The following PIK3C3 variants were observed in gnomAD, a reference collection of about 807,000 sequenced individuals.
PIK3C3 encodes phosphatidylinositol 3-kinase catalytic subunit type 3.
PIK3C3 carries 95 observed loss-of-function variants against 126.1 expected under a neutral mutation model. That is an observed-to-expected ratio of 0.75 (90% CI 0.64 to 0.89). The LOEUF is 0.89. Among genes scored for constraint, PIK3C3 ranks in the 40% least tolerant of loss-of-function variants. PIK3C3 has a pLI of 0.00. For synonymous variants in PIK3C3, 374 were observed against 360.0 expected, an observed-to-expected ratio of 1.04 and a Z score of -0.44; for missense variants, 829 against 1,063.2, an observed-to-expected ratio of 0.78 and a Z score of 3.06.
chr18:42,018,514 T>C (rs1295409494), intron 12 of PIK3C3, among the ~76,000 whole-genome samples: 1 of 152,094 alleles, frequency 6.6e-6, no homozygotes, highest in African/African-American at 2.4e-5. Context: ...TGAGGAGTTT[T>C]TTAAATTGGA....
At chr18:41,998,563 C>A (rs558179782) in intron 9 of PIK3C3, among the ~76,000 whole-genome samples, 7 of 152,198 alleles carry the variant, frequency 4.6e-5, no homozygotes, top group African/African-American at 1.7e-4. Context: ...TCAATTACTT[C>A]TAGATATGTG....
chr18:42,028,213 C>A (rs945716508), intron 14 of PIK3C3, among the ~76,000 whole-genome samples: 4 of 151,778 alleles, frequency 2.6e-5, no homozygotes, highest in Non-Finnish European at 5.9e-5. Flanking sequence ...ATGAAATAAA[C>A]CTGTGCATGG....
intron 1 of PIK3C3, among the ~76,000 whole-genome samples, chr18:41,955,795 A>C (rs1051824148): frequency 6.6e-6 from 1 of 152,300 alleles, no homozygotes; most frequent in Admixed American, 6.5e-5. Flanking sequence ...ATAGTTGAGA[A>C]TAAGATGAGC....
chr18:42,007,200 G>A (rs917396125), intron 10 of PIK3C3, among the ~76,000 whole-genome samples: 3 of 152,074 alleles, frequency 2.0e-5, no homozygotes, highest in African/African-American at 4.8e-5. Context: ...AACTGCTTGC[G>A]TTATAATTAT....
At chr18:42,039,276 A>G (rs566603870) in intron 18 of PIK3C3, among the ~76,000 whole-genome samples, 1 of 152,208 alleles carries the variant, frequency 6.6e-6, no homozygotes, top group Non-Finnish European at 1.5e-5. Context: ...GTTACTGAGA[A>G]ACAAAATACA....
intron 15 of PIK3C3, among the ~76,000 whole-genome samples, chr18:42,030,138 A>T (rs939007072): frequency 1.3e-5 from 2 of 152,170 alleles, no homozygotes; most frequent in Non-Finnish European, 2.9e-5. Flanking sequence ...AATATATTTG[A>T]TATGGAAAGA....
chr18:41,992,077 A>AAT (rs1292565213), intron 6 of PIK3C3, among the ~76,000 whole-genome samples: 1 of 152,180 alleles, frequency 6.6e-6, no homozygotes, highest in Non-Finnish European at 1.5e-5. Context: ...ATAATAACAG[A>AAT]ATAGAAATTA....
intron 12 of PIK3C3, among the ~76,000 whole-genome samples, 156 bp from the exon 13 acceptor site, chr18:42,020,482 G>C (rs1270136204): frequency 1.3e-5 from 2 of 152,064 alleles, no homozygotes; most frequent in African/African-American, 2.4e-5. Context: ...TTTAAAATAT[G>C]TTTTATGTAT....
chr18:42,004,190 C>G (rs766971011), intron 9 of PIK3C3, among the ~76,000 whole-genome samples, 166 bp from the exon 10 acceptor site: 14 of 152,154 alleles, frequency 9.2e-5, no homozygotes, highest in Admixed American at 5.9e-4. Flanking sequence ...TTCTGTCCTG[C>G]AGTGCTTCTA....
chr18:42,080,654 T>A, intron 24 of PIK3C3, among the ~76,000 whole-genome samples: 1 of 152,216 alleles, frequency 6.6e-6, no homozygotes, highest in East Asian at 1.9e-4. Flanking sequence ...TCACTAGGCC[T>A]CTCGACTTCT....
intron 4 of PIK3C3, among the ~76,000 whole-genome samples, chr18:41,975,705 T>G (rs1227294251): frequency 1.3e-5 from 2 of 151,878 alleles, no homozygotes; most frequent in Middle Eastern, 3.4e-3. Context: ...ACTGTTTTTT[T>G]TTTTTTTTTT....
intron 20 of PIK3C3, chr18:42,049,294 T>A: frequency 2.8e-6 from 1 of 361,752 alleles, no homozygotes; most frequent in South Asian, 5.6e-5. Flanking sequence ...CTAACTTAAG[T>A]TTTGATGCAA....
At chr18:42,012,066 T>G (rs1982850421) in intron 10 of PIK3C3, among the ~76,000 whole-genome samples, 1 of 152,046 alleles carries the variant, frequency 6.6e-6, no homozygotes, top group East Asian at 1.9e-4. Context: ...TGAAAAAGTT[T>G]GAAATATTAT....
At position 41,996,613 on chromosome 18, in the gene PIK3C3, A is replaced by C; in HGVS notation, c.892-25A>C. The C allele has an allele frequency of 5.0e-6, 6 of 1,192,906 alleles. 1 individual carries two copies. The highest frequency in any genetic ancestry group is 7.2e-6 in the Non-Finnish European group (6 of 830,936). The allele number at this position is 1,192,906 out of a possible 1,614,324, so 73.9% of individuals were successfully genotyped here. A position where few individuals can be genotyped will look rare whatever the true frequency, so the allele number is the denominator to read the frequency against. Reference sequence around the variant, plus strand: ...TAGGACATGTATTGTTGACAAAATTAGTTCTTTTTCTTTTTTTGTTTTAGA... The same window carrying C: ...TAGGACATGTATTGTTGACAAAATTCGTTCTTTTTCTTTTTTTGTTTTAGA... On this transcript the variant is annotated intron_variant, in intron 8 of 24. Coordinates refer to ENST00000262039, the MANE Select transcript of PIK3C3 (RefSeq NM_002647.4).
At chr18:41,984,761 A>G (rs897762781) in intron 4 of PIK3C3, 1 of 152,214 alleles carries the variant, frequency 6.6e-6, no homozygotes, top group Non-Finnish European at 1.5e-5. Context: ...GGACTCTCTG[A>G]TAAGTAAGCG....
At chr18:42,071,594 C>T (rs1456465690) in intron 24 of PIK3C3, among the ~76,000 whole-genome samples, 1 of 151,930 alleles carries the variant, frequency 6.6e-6, no homozygotes, top group Non-Finnish European at 1.5e-5. Context: ...GTGGCGGGCA[C>T]CTGTAATCCC....
intron 3 of PIK3C3, 55 bp downstream of exon 3, chr18:41,962,687 C>A: frequency 1.3e-6 from 2 of 1,537,890 alleles, no homozygotes; most frequent in Non-Finnish European, 1.8e-6. Context: ...TGACCCTTTT[C>A]TTTTTCGGAA....
At chr18:42,029,973 G>C (rs1469567129) in intron 15 of PIK3C3, among the ~76,000 whole-genome samples, 1 of 152,096 alleles carries the variant, frequency 6.6e-6, no homozygotes, top group Admixed American at 6.5e-5. Flanking sequence ...CAATTGTGAG[G>C]AGAAGAAAGT....
chr18:42,043,291 C>T (rs1984409053), intron 19 of PIK3C3, among the ~76,000 whole-genome samples: 1 of 152,026 alleles, frequency 6.6e-6, no homozygotes, highest in Non-Finnish European at 1.5e-5. Context: ...CTGGGTTTCA[C>T]CATGTTGACC....
Sources: allele counts gnomAD v4.1 joint callset (sites outside exome capture counted in the v4.1 genomes callset), GRCh38; gene constraint gnomAD v4.1.1; transcripts MANE v1.5; gene names NCBI Gene and HGNC (gene_info 2026-07-23, HGNC 2026-07-21).